NCAPD3: variants seen among roughly 807,000 people sequenced by gnomAD.
NCAPD3 encodes non-SMC condensin II complex subunit D3.
A neutral mutation model predicts 182.9 loss-of-function variants in NCAPD3; 105 were observed. That is an observed-to-expected ratio of 0.57 (90% CI 0.49 to 0.68). NCAPD3 has a LOEUF of 0.68. Ranked by LOEUF, NCAPD3 falls within the 30% of genes least tolerant of loss-of-function variation. The pLI, the probability that NCAPD3 is intolerant of heterozygous loss-of-function variation, is 0.00. For missense variants in NCAPD3, 1,944 were observed against 1,837.0 expected (o/e 1.06, Z -1.07); for synonymous variants, 815 against 679.9 (o/e 1.20, Z -3.09).
chr11:134,195,783 C>T (rs58224221), intron 13 of NCAPD3, among the ~76,000 whole-genome samples: 8,747 of 152,098 alleles, frequency 0.058, 294 homozygotes, highest in Non-Finnish European at 0.06. Context: ...TATAAGCCAG[C>T]TTATCTCTCA....
At chr11:134,186,719 T>C (rs1209900875) in intron 16 of NCAPD3, among the ~76,000 whole-genome samples, 1 of 152,174 alleles carries the variant, frequency 6.6e-6, no homozygotes, top group Non-Finnish European at 1.5e-5. Flanking sequence ...CATTAAACTG[T>C]TTTTAGAAGG....
Position 134,185,412 on chromosome 11 carries a change from C to T in NCAPD3, c.2160G>A (p.Met720Ile). The change falls in exon 17 of 35, where the codon ATG (methionine) becomes ATA (isoleucine). Residue 720 changes from methionine to isoleucine, a missense_variant. Coordinates refer to ENST00000534548, the MANE Select transcript of NCAPD3 (RefSeq NM_015261.3). ...TGTEHSAPAW[M>I]LLSKIAGSSP... ...AGGAGCCAGCAATCTTGGAGAGCAG[C>T]ATCCAGGCAGGTGCCGAATGTTCCG... 1 of 1,614,100 alleles carries T rather than the reference C, an allele frequency of 6.2e-7. No individual in the cohort carries two copies.
Position 134,176,298 on chromosome 11 carries a change from A to G in NCAPD3, c.3101+9T>C. On this transcript the variant is annotated intron_variant, in intron 24 of 34. Transcript: ENST00000534548. ...CTGTTGAGTCGTCTGACGTGAGGAA[A>G]AGATTTACCTGGCAATGTCTGGGTG... 1 of 1,612,322 alleles carries G rather than the reference A, an allele frequency of 6.2e-7. No individual in the cohort carries two copies. Among genetic ancestry groups the G allele is most frequent in the South Asian group, 1.1e-5 (1 of 91,030 alleles).
intron 15 of NCAPD3, among the ~76,000 whole-genome samples, chr11:134,193,630 G>A (rs1488109732): frequency 6.6e-6 from 1 of 152,204 alleles, no homozygotes; most frequent in Non-Finnish European, 1.5e-5. Flanking sequence ...GCACCTGCCT[G>A]TAGTCCCAGC....
chr11:134,177,602 A>T, intron 22 of NCAPD3, 145 bp from the exon 23 acceptor site: 3 of 681,018 alleles, frequency 4.4e-6, no homozygotes, highest in Non-Finnish European at 7.4e-6. Context: ...CAAAAAACTA[A>T]AGGCAGACAG....
chr11:134,154,033 TTCTGGCTCAGTGTC>T (rs2120476273), intron 32 of NCAPD3: 1 of 153,696 alleles, frequency 6.5e-6, no homozygotes, highest in African/African-American at 2.4e-5. Context: ...TGGGTGTGAA[TTCTGGCTCAGTGTC>T]TCACCAGCTG....
intron 7 of NCAPD3, among the ~76,000 whole-genome samples, chr11:134,207,752 A>G (rs1438890764): frequency 1.3e-5 from 2 of 151,466 alleles, no homozygotes; most frequent in Non-Finnish European, 2.9e-5. Context: ...CAAAAAAAAA[A>G]AAAAAAAAAA....
intron 27 of NCAPD3, among the ~76,000 whole-genome samples, chr11:134,166,057 TG>T (rs376684411): frequency 6.3e-5 from 4 of 63,634 alleles, no homozygotes; most frequent in Admixed American, 2.0e-4. Context: ...GAGATGAGCT[TG>T]GGGGAGCAGC....
chr11:134,158,287 C>T (rs1943483609), intron 30 of NCAPD3, 42 bp downstream of exon 30: 1 of 1,608,928 alleles, frequency 6.2e-7, no homozygotes, highest in Non-Finnish European at 8.5e-7. Flanking sequence ...AGAACATCGC[C>T]ACAGAGAACC....
chr11:134,163,261 C>T (rs962834043), intron 27 of NCAPD3, among the ~76,000 whole-genome samples: 2 of 152,126 alleles, frequency 1.3e-5, no homozygotes, highest in African/African-American at 4.8e-5. Flanking sequence ...CAAACACTTC[C>T]ATGAGCTTTG....
intron 1 of NCAPD3, 114 bp downstream of exon 1, chr11:134,223,749 C>G (rs1938336619): frequency 7.7e-7 from 1 of 1,305,110 alleles, no homozygotes; most frequent in Non-Finnish European, 1.1e-6. Context: ...GCACCGCCGA[C>G]AGCCGGGCGC....
intron 2 of NCAPD3, among the ~76,000 whole-genome samples, chr11:134,218,442 T>C (rs1354045108): frequency 6.6e-6 from 1 of 152,132 alleles, no homozygotes; most frequent in Non-Finnish European, 1.5e-5. Context: ...AACTCTCTTC[T>C]CTCTCCTGGT....
At position 134,168,153 on chromosome 11, in the gene NCAPD3, C is replaced by A; in HGVS notation, c.3416G>T (p.Ser1139Ile). ...CTCAAACGTGTCTGAGAGTAACTCA[C>A]TGGCGTCCAGGTCCAGGGGTAGGAT... ...DGILPLDLDA[S>I]ELLSDTFEVL... The change falls in exon 27 of 35, where the codon AGT becomes ATT. Residue 1139 changes from serine to isoleucine, a missense_variant. Physicochemically the swap from Ser to Ile is moderately radical, Grantham distance 142. Coordinates refer to ENST00000534548, the MANE Select transcript of NCAPD3 (RefSeq NM_015261.3). The A allele has an allele frequency of 6.2e-7, 1 of 1,614,194 alleles. No homozygotes were observed. The highest frequency in any genetic ancestry group is 8.5e-7 in the Non-Finnish European group (1 of 1,180,020).
rs765322361 is a variant in NCAPD3, at chr11:134,178,757, A to G, written c.2675-16T>C. The G allele has an allele frequency of 1.1e-5, 17 of 1,608,870 alleles. No homozygotes were observed. Among genetic ancestry groups the G allele is most frequent in the Admixed American group, 1.7e-5 (1 of 59,886 alleles). ...GATGATGGTGCTGCAAAGAAGGGAG[A>G]GAAAGTTACCGACAGAACCTTGAAA... On this transcript the variant is annotated splice_polypyrimidine_tract_variant and intron_variant, in intron 21 of 34. Coordinates refer to ENST00000534548, the MANE Select transcript of NCAPD3 (RefSeq NM_015261.3).
chr11:134,185,202 T>A (rs1040645156), intron 17 of NCAPD3, 133 bp downstream of exon 17: 2 of 940,666 alleles, frequency 2.1e-6, no homozygotes, highest in Admixed American at 2.9e-5. Flanking sequence ...TTTTTCATGC[T>A]TGTTTTTATA....
intron 3 of NCAPD3, among the ~76,000 whole-genome samples, chr11:134,212,899 C>G (rs886647950): frequency 6.6e-6 from 1 of 151,820 alleles, no homozygotes; most frequent in South Asian, 2.1e-4. Context: ...AAAAATTGAG[C>G]AAAAAACAGG....
intron 7 of NCAPD3, among the ~76,000 whole-genome samples, chr11:134,207,830 A>G (rs1937672521): frequency 1.3e-5 from 2 of 152,122 alleles, no homozygotes; most frequent in African/African-American, 4.8e-5. Context: ...ATTGTTTAAA[A>G]TATTTAAAAG....
intron 16 of NCAPD3, among the ~76,000 whole-genome samples, chr11:134,190,349 AATC>A (rs1297386968): frequency 6.6e-6 from 1 of 152,170 alleles, no homozygotes; most frequent in East Asian, 1.9e-4. Flanking sequence ...CATCTCAGTT[AATC>A]ATCCTCATAT....
intron 1 of NCAPD3, chr11:134,223,515 C>T (rs894720361): frequency 7.1e-6 from 5 of 701,282 alleles, no homozygotes; most frequent in Non-Finnish European, 1.3e-5. Flanking sequence ...ATAAGTCTGG[C>T]GGAAGAAAGA....
Sources: gnomAD v4.1 joint callset for allele counts (sites outside exome capture counted in the v4.1 genomes callset) on GRCh38, gnomAD v4.1.1 for gene constraint, MANE v1.5 for transcripts, NCBI Gene and HGNC (gene_info 2026-07-23, HGNC 2026-07-21) for gene names.